The following HEATR9 variants were observed in gnomAD, a reference collection of about 807,000 sequenced individuals.
HEATR9 encodes the protein protein HEATR9.
In HEATR9, 54 loss-of-function variants were observed where a neutral mutation model predicts 68.2. The ratio of observed to expected loss-of-function variants is 0.79; its 90% CI spans 0.64 to 0.99. The LOEUF (loss-of-function observed/expected upper bound fraction) is 0.99. HEATR9 is among the 50% of genes least tolerant of loss of function. The pLI is 0.00. For missense variants in HEATR9, 662 were observed against 679.7 expected (o/e 0.97, Z 0.29); for synonymous variants, 241 against 253.5 (o/e 0.95, Z 0.47).
intron 8 of HEATR9, chr17:35,861,563 G>C: frequency 1.3e-6 from 1 of 767,194 alleles, no homozygotes; most frequent in Non-Finnish European, 2.3e-6. Context: ...TTCTTGATAC[G>C]CATGTTGAAC....
intron 1 of HEATR9, 190 bp downstream of exon 1, chr17:35,868,465 C>G (rs2088288444): frequency 9.7e-7 from 1 of 1,032,600 alleles, no homozygotes; most frequent in South Asian, 2.1e-5. Flanking sequence ...TTAGAGATCC[C>G]TGTAGGCCCT....
chr17:35,864,191 C>G (rs763194855), intron 6 of HEATR9, 55 bp downstream of exon 6: 1 of 1,476,612 alleles, frequency 6.8e-7, no homozygotes, highest in Non-Finnish European at 9.5e-7. Context: ...CCACATGCCA[C>G]ACATCTCAGA....
At chr17:35,862,946 A>G in intron 8 of HEATR9, 49 bp downstream of exon 8, 1 of 1,613,582 alleles carries the variant, frequency 6.2e-7, no homozygotes, top group African/African-American at 1.3e-5. Flanking sequence ...AAACCTATCA[A>G]TTACCTTGTC....
At position 35,868,779 on chromosome 17, in the gene HEATR9, G is replaced by A. The variant is rs567581416; in HGVS notation, c.-37C>T. The A allele has an allele frequency of 5.0e-6, 8 of 1,602,068 alleles. 1 individual carries two copies. In the African/African-American group the frequency reaches 1.1e-4, roughly 21 times the overall value. On this transcript the variant is annotated 5_prime_UTR_variant, in exon 1 of 15. Coordinates refer to ENST00000604834, the MANE Select transcript of HEATR9 (RefSeq NM_152781.4). ...GGTGGGGCCAGAGGGAACCTGCAGGGGGGAATACAAGGCTTTTAGGGGAGT... is the reference window on the plus strand; with the variant it reads ...GGTGGGGCCAGAGGGAACCTGCAGGAGGGAATACAAGGCTTTTAGGGGAGT...
At chr17:35,865,582 A>G (rs534764133) in intron 2 of HEATR9, among the ~76,000 whole-genome samples, 186 bp from the exon 3 acceptor site, 1 of 152,140 alleles carries the variant, frequency 6.6e-6, no homozygotes, top group Non-Finnish European at 1.5e-5. Context: ...ACTTCATCCT[A>G]TCAAAGTCTC....
At position 35,863,106 on chromosome 17, in the gene HEATR9, C is replaced by T; in HGVS notation, c.645G>A (p.Val215=). ...TCAGCTGTTTGATGAGAGCCCGGAT[C>T]ACATGCTTATTCAGGCAACCTGGAC... ...LAILGCLNKH[V]IRALIKQLKE... The change falls in exon 8 of 15, where the codon GTG becomes GTA. Residue 215 remains valine, a synonymous_variant. Coordinates refer to ENST00000604834, the MANE Select transcript of HEATR9 (RefSeq NM_152781.4). The T allele has an allele frequency of 6.2e-7, 1 of 1,614,170 alleles. No individual in the cohort carries two copies. The highest frequency in any genetic ancestry group is 8.5e-7 in the Non-Finnish European group (1 of 1,180,040).
intron 8 of HEATR9, 109 bp from the exon 9 acceptor site, chr17:35,859,179 A>T (rs2087887726): frequency 1.0e-6 from 1 of 1,001,926 alleles, no homozygotes; most frequent in Admixed American, 2.5e-5. Context: ...TGTGCATCAG[A>T]TTATTTCAAC....
intron 11 of HEATR9, among the ~76,000 whole-genome samples, chr17:35,857,431 A>G (rs1469072184): frequency 6.6e-6 from 1 of 152,156 alleles, no homozygotes; most frequent in African/African-American, 2.4e-5. Flanking sequence ...AGAAGGCACA[A>G]TCTGATTTAT....
Position 35,859,147 on chromosome 17 carries a change from C to T in HEATR9, c.757-77G>A, listed in dbSNP as rs958179501. 3 of 1,239,524 alleles carry T rather than the reference C, an allele frequency of 2.4e-6. No homozygotes were observed. In the South Asian group the frequency reaches 4.0e-5, roughly 17 times the overall value. The allele number at this position is 1,239,524 out of a possible 1,614,324, so 76.8% of individuals were successfully genotyped here. On this transcript the variant is annotated intron_variant, in intron 8 of 14. Coordinates refer to ENST00000604834, the MANE Select transcript of HEATR9 (RefSeq NM_152781.4). ...GCTTTGTGCTTCCAGACTATATTCA[C>T]CTTCCTCCCTAAAATGAATCTTGTG...
chr17:35,861,136 T>G (rs536258298), intron 8 of HEATR9: 1 of 1,368,164 alleles, frequency 7.3e-7, no homozygotes, highest in African/African-American at 1.4e-5. Context: ...CTCTTCCAAC[T>G]GCTTCCCTTT....
At chr17:35,857,414 T>A (rs913681644) in intron 11 of HEATR9, among the ~76,000 whole-genome samples, 4 of 152,194 alleles carry the variant, frequency 2.6e-5, no homozygotes, top group Admixed American at 1.3e-4. Flanking sequence ...TAGAAAGTTT[T>A]ATGCAGAGAA....
chr17:35,859,982 C>T (rs767275843), intron 8 of HEATR9, among the ~76,000 whole-genome samples: 22 of 152,208 alleles, frequency 1.4e-4, no homozygotes, highest in Non-Finnish European at 2.6e-4. Flanking sequence ...AACACTTGCA[C>T]CCATACACCC....
Position 35,863,514 on chromosome 17 carries a change from G to C in HEATR9, c.613C>G (p.Leu205Val). The part of the protein sequence containing the change: ...EKVKYEAYRT[L>V]AILGCLNKHV... Reference sequence around the variant, plus strand: ...AAGACATACTCACCCAGGATGGCCAGGGTTCGGTAGGCCTCGTACTTCACT... The same window carrying C: ...AAGACATACTCACCCAGGATGGCCACGGTTCGGTAGGCCTCGTACTTCACT... The change falls in exon 7 of 15, where the codon CTG (leucine) becomes GTG (valine). Residue 205 changes from leucine to valine, a missense_variant. Transcript: ENST00000604834. 6.2e-7 allele frequency: 1 copy of C among 1,614,206 alleles called. No individual in the cohort carries two copies. The highest frequency in any genetic ancestry group is 1.1e-5 in the South Asian group (1 of 91,086).
rs747771847 is a variant in HEATR9 at position 35,863,136 on chromosome 17, A to AGG, written c.626-13_626-12dup. 6.2e-7 allele frequency: 1 copy of AGG among 1,613,586 alleles called. No individual in the cohort carries two copies. The highest frequency in any genetic ancestry group is 8.5e-7 in the Non-Finnish European group (1 of 1,180,010). ...GCTTATTCAGGCAACCTGGACAGGG[A>AGG]GGGGCCTCAAGTCAGGGCAGAGCCT... is the stretch of plus-strand genomic sequence containing the variant. On this transcript the variant is annotated splice_polypyrimidine_tract_variant and intron_variant, in intron 7 of 14. Coordinates refer to ENST00000604834, the MANE Select transcript of HEATR9 (RefSeq NM_152781.4).
intron 7 of HEATR9, 132 bp downstream of exon 7, chr17:35,863,370 A>C: frequency 1.9e-6 from 2 of 1,058,118 alleles, no homozygotes; most frequent in Non-Finnish European, 2.9e-6. Context: ...GTTCAACATA[A>C]CTGGGATAGT....
At chr17:35,866,576 G>A (rs2088203926) in intron 2 of HEATR9, 148 bp downstream of exon 2, 1 of 728,722 alleles carries the variant, frequency 1.4e-6, no homozygotes, top group Non-Finnish European at 2.4e-6. Flanking sequence ...GGCTCTGAGG[G>A]GGAAAGTGAC....
chr17:35,855,280 T>G lies in HEATR9; in HGVS notation c.1496A>C (p.Glu499Ala). The G allele has an allele frequency of 6.2e-7, 1 of 1,614,224 alleles. No individual in the cohort carries two copies. The highest frequency in any genetic ancestry group is 8.5e-7 in the Non-Finnish European group (1 of 1,180,014). The part of the protein sequence containing the change: ...VKAEPTRFQK[E>A]PENPEELTIQ... ...AGTTAACTCTTCTGGGTTCTCAGGCTCTTTCTGGAACCTTGTGGGCTCTGC... is the reference window on the plus strand; with the variant it reads ...AGTTAACTCTTCTGGGTTCTCAGGCGCTTTCTGGAACCTTGTGGGCTCTGC... Residue 499 changes from glutamate to alanine, a missense_variant, in exon 15 of 15, where the codon GAG (glutamate) becomes GCG (alanine). Glu to Ala is a moderately radical substitution (Grantham distance 107, BLOSUM62 -1). Coordinates refer to ENST00000604834, the MANE Select transcript of HEATR9 (RefSeq NM_152781.4).
chr17:35,868,492 C>A, intron 1 of HEATR9, 163 bp downstream of exon 1: 1 of 1,312,114 alleles, frequency 7.6e-7, no homozygotes, highest in East Asian at 2.5e-5. Context: ...GAGCCTGAGA[C>A]CTTGAGGACT....
intron 8 of HEATR9, chr17:35,861,188 C>T (rs2087978703): frequency 1.2e-6 from 2 of 1,601,174 alleles, no homozygotes; most frequent in Admixed American, 3.3e-5. Context: ...TTTTGCTTGA[C>T]TTCTTTGATA....
Sources: allele counts gnomAD v4.1 joint callset (sites outside exome capture counted in the v4.1 genomes callset), GRCh38; gene constraint gnomAD v4.1.1; transcripts MANE v1.5; gene names NCBI Gene and HGNC (gene_info 2026-07-23, HGNC 2026-07-21).